Variants in OPHN1 observed in about 807,000 individuals in gnomAD.
The protein encoded by OPHN1 is oligophrenin-1.
OPHN1 carries 11 observed loss-of-function variants against 60.7 expected under a neutral mutation model. The ratio of observed to expected loss-of-function variants is 0.18; its 90% CI spans 0.11 to 0.30. OPHN1 has a LOEUF of 0.30. Among genes scored for constraint, OPHN1 ranks in the 10% least tolerant of loss-of-function variants. OPHN1 has a pLI of 1.00. For synonymous variants in OPHN1, 226 were observed against 222.6 expected, an observed-to-expected ratio of 1.02 and a Z score of -0.14; for missense variants, 449 against 611.0, an observed-to-expected ratio of 0.73 and a Z score of 2.80.
chrX:68,250,734 T>C (rs1569257860), intron 5 of OPHN1, among the ~76,000 whole-genome samples: 1 of 112,223 alleles, frequency 8.9e-6, no homozygotes, highest in Non-Finnish European at 1.9e-5. Context: ...AATTAGTACC[T>C]GTAGACTTCT....
At chrX:68,077,411 T>A (rs1389251925) in intron 19 of OPHN1, among the ~76,000 whole-genome samples, 1 of 111,745 alleles carries the variant, frequency 8.9e-6, no homozygotes, top group Admixed American at 9.5e-5. Flanking sequence ...ATAAAAAAAA[T>A]AAAACTACAT....
intron 6 of OPHN1, among the ~76,000 whole-genome samples, chrX:68,221,141 G>C: frequency 1.2e-5 from 1 of 83,198 alleles, no homozygotes; most frequent in Middle Eastern, 6.5e-3. Context: ...ACCAACAACA[G>C]ACAGAGAGCC....
chrX:68,286,424 A>T (rs1196566216), intron 3 of OPHN1, among the ~76,000 whole-genome samples: 2 of 110,690 alleles, frequency 1.8e-5, no homozygotes, highest in Non-Finnish European at 3.8e-5. Flanking sequence ...CTTAGCCTTC[A>T]CTCCTCCTTG....
intron 2 of OPHN1, among the ~76,000 whole-genome samples, chrX:68,387,775 G>C (rs2078632043): frequency 8.9e-6 from 1 of 111,764 alleles, no homozygotes; most frequent in Admixed American, 9.6e-5. Context: ...GGAACTCATA[G>C]GAGGAGCAGA....
At chrX:68,413,960 G>T (rs2078781825) in intron 2 of OPHN1, among the ~76,000 whole-genome samples, 1 of 111,584 alleles carries the variant, frequency 9.0e-6, no homozygotes, top group South Asian at 3.8e-4. Context: ...TATGTGTTAA[G>T]AACCAAGGCA....
chrX:68,331,671 C>A (rs9698040), intron 2 of OPHN1, among the ~76,000 whole-genome samples: 8,185 of 103,446 alleles, frequency 0.079, 891 homozygotes, highest in African/African-American at 0.28. Context: ...ACACAGGTTG[C>A]AGTGAGCCAA....
At chrX:68,070,734 G>A in intron 20 of OPHN1, 2 of 1,125,927 alleles carry the variant, frequency 1.8e-6, no homozygotes, top group Non-Finnish European at 2.4e-6. Flanking sequence ...CTGGGCAAAA[G>A]CTTCCCATTC....
intron 5 of OPHN1, among the ~76,000 whole-genome samples, chrX:68,235,683 C>CAA (rs1228217911): frequency 5.2e-5 from 4 of 77,042 alleles, no homozygotes; most frequent in East Asian, 7.6e-4. Context: ...ACTAAAAATA[C>CAA]AAAAAAAAAA....
At chrX:68,089,456 C>T (rs889286277) in intron 19 of OPHN1, among the ~76,000 whole-genome samples, 2 of 111,444 alleles carry the variant, frequency 1.8e-5, no homozygotes, top group African/African-American at 6.5e-5. Flanking sequence ...CCTCTGTAGA[C>T]CGCAGTTTAC....
At chrX:68,336,867 A>AGTCTG (rs2078326143) in intron 2 of OPHN1, among the ~76,000 whole-genome samples, 1 of 110,735 alleles carries the variant, frequency 9.0e-6, no homozygotes, top group Admixed American at 9.8e-5. Context: ...CAGCCTGGCC[A>AGTCTG]ACATGGTGAA....
chrX:68,271,985 G>A (rs936553580), intron 5 of OPHN1, among the ~76,000 whole-genome samples: 4 of 78,911 alleles, frequency 5.1e-5, no homozygotes, highest in African/African-American at 2.0e-4. Flanking sequence ...CGCCTCAGCT[G>A]GAAACTTCAA....
chrX:68,409,454 G>T (rs1013209863), intron 2 of OPHN1, among the ~76,000 whole-genome samples: 2 of 111,437 alleles, frequency 1.8e-5, no homozygotes, highest in African/African-American at 6.5e-5. Context: ...CTAGGCAGGG[G>T]ATTATAAACT....
chrX:68,285,943 T>G (rs1239157989), intron 3 of OPHN1, among the ~76,000 whole-genome samples: 1 of 111,358 alleles, frequency 9.0e-6, no homozygotes, highest in African/African-American at 3.3e-5. Flanking sequence ...CTTAAGTTCT[T>G]TAGACATGGT....
chrX:68,221,116 C>T (rs2077654805), intron 6 of OPHN1, among the ~76,000 whole-genome samples: 1 of 91,560 alleles, frequency 1.1e-5, no homozygotes, highest in Non-Finnish European at 2.2e-5. Flanking sequence ...ACAAAAATCA[C>T]AAGCATTCTT....
At chrX:68,273,497 G>T (rs1353358986) in intron 5 of OPHN1, among the ~76,000 whole-genome samples, 1 of 112,027 alleles carries the variant, frequency 8.9e-6, no homozygotes, top group Non-Finnish European at 1.9e-5. Flanking sequence ...TGAAAAGAAT[G>T]AAATTAACTG....
In OPHN1 at chrX:68,269,034, C is replaced by T. The variant is rs868520266; in HGVS notation, c.384+5704G>A. On this transcript the variant is annotated intron_variant, in intron 5 of 24. Coordinates refer to ENST00000355520, the MANE Select transcript of OPHN1 (RefSeq NM_002547.3). Reference sequence around the variant, plus strand: ...ACCTAGGAATCCAACTTACAAGGGACATGAAGGACCTCTTCAAGGAGAACT... The same window carrying T: ...ACCTAGGAATCCAACTTACAAGGGATATGAAGGACCTCTTCAAGGAGAACT... 4.2e-4 allele frequency among the ~76,000 whole-genome samples: 47 copies of T among 111,411 alleles called. No homozygotes were observed. The Middle Eastern group carries it at 0.014, about 33-fold the overall frequency.
chrX:68,231,255 G>A (rs1665845435), intron 6 of OPHN1, among the ~76,000 whole-genome samples: 1 of 111,868 alleles, frequency 8.9e-6, no homozygotes, highest in Non-Finnish European at 1.9e-5. Flanking sequence ...TTAGGTTGGT[G>A]CAAAAGGAAC....
At position 68,047,119 on chromosome X, in the gene OPHN1, T is replaced by G; in HGVS notation, c.*53A>C. 1 of 112,094 alleles carries G rather than the reference T, an allele frequency of 8.9e-6. No homozygotes were observed. Among genetic ancestry groups the G allele is most frequent in the African/African-American group, 3.2e-5 (1 of 30,856 alleles). The allele number at this position is 112,094 out of a possible 1,213,427, so 9.2% of individuals were successfully genotyped here. A position where few individuals can be genotyped will look rare whatever the true frequency, so the allele number is the denominator to read the frequency against. The stretch of plus-strand genomic sequence containing the variant: ...ACAAAGGTTTGAAGAAGAAAGACTC[T>G]TTCAGAACCTGGAAAGGGTCCTCTG... On this transcript the variant is annotated 3_prime_UTR_variant, in exon 25 of 25. Transcript: ENST00000355520.
intron 5 of OPHN1, among the ~76,000 whole-genome samples, chrX:68,257,686 C>A (rs889001806): frequency 1.8e-5 from 2 of 111,849 alleles, no homozygotes; most frequent in Non-Finnish European, 3.8e-5. Flanking sequence ...TAACTAAAAT[C>A]AACTAAAATT....
Sources: allele counts gnomAD v4.1 joint callset (sites outside exome capture counted in the v4.1 genomes callset), GRCh38; gene constraint gnomAD v4.1.1; transcripts MANE v1.5; gene names NCBI Gene and HGNC (gene_info 2026-07-23, HGNC 2026-07-21).